Variants in FANCC observed in about 807,000 individuals in gnomAD.
FANCC encodes FA complementation group C.
In FANCC, 55 loss-of-function variants were observed where a neutral mutation model predicts 71.3. The observed-to-expected ratio is 0.77, with a 90% CI of 0.62 to 0.97. The LOEUF is 0.97. Among genes scored for constraint, FANCC ranks in the 50% least tolerant of loss-of-function variants. The pLI, the probability that FANCC is intolerant of heterozygous loss-of-function variation, is 0.00. For synonymous variants in FANCC, 275 were observed against 244.9 expected, an observed-to-expected ratio of 1.12 and a Z score of -1.15; for missense variants, 678 against 670.9, an observed-to-expected ratio of 1.01 and a Z score of -0.12.
chr9:95,168,763 G>A (rs1274058139), intron 6 of FANCC, among the ~76,000 whole-genome samples: 3 of 152,132 alleles, frequency 2.0e-5, no homozygotes, highest in Admixed American at 6.5e-5. Flanking sequence ...TCCTGAAATC[G>A]GGTGATCTAC....
intron 3 of FANCC, among the ~76,000 whole-genome samples, chr9:95,243,932 G>C (rs982175956): frequency 1.3e-5 from 2 of 152,238 alleles, no homozygotes; most frequent in African/African-American, 2.4e-5. Flanking sequence ...AGCCACCTCT[G>C]TGAGCTCACA....
intron 10 of FANCC, among the ~76,000 whole-genome samples, chr9:95,118,823 G>A (rs1295172539): frequency 6.6e-6 from 1 of 152,226 alleles, no homozygotes; most frequent in Non-Finnish European, 1.5e-5. Flanking sequence ...TCCTCTTGAT[G>A]TGCATTTGGG....
chr9:95,107,372 G>A (rs921728318), intron 13 of FANCC, 103 bp from the exon 14 acceptor site: 6 of 1,274,894 alleles, frequency 4.7e-6, no homozygotes, highest in East Asian at 2.5e-5. Context: ...AAACGGGTAA[G>A]CACTGGCCCC....
intron 7 of FANCC, 184 bp from the exon 8 acceptor site, chr9:95,135,686 A>C: frequency 1.7e-6 from 1 of 605,650 alleles, no homozygotes; most frequent in Non-Finnish European, 2.9e-6. Context: ...AATAATGTGA[A>C]TATGCTTCCA....
rs891207390 is a variant in FANCC at position 95,146,252 on chromosome 9, C to G, written c.686+3671G>C. On this transcript the variant is annotated intron_variant, in intron 7 of 14. Coordinates refer to ENST00000289081, the MANE Select transcript of FANCC (RefSeq NM_000136.3). ...CTATAATCCCAACATTTTGGGAGGC[C>G]AAGACAGGCAGACTCCTTGAGCCCA... 5.9e-5 allele frequency among the ~76,000 whole-genome samples: 9 copies of G among 151,738 alleles called. 1 individual carries two copies. The highest frequency in any genetic ancestry group is 5.9e-4 in the Admixed American group (9 of 15,234).
rs2135579278 is a variant in FANCC, at chr9:95,171,117, G to A, written c.483C>T (p.Leu161=). The A allele has an allele frequency of 6.2e-7, 1 of 1,613,374 alleles. No homozygotes were observed. The highest frequency in any genetic ancestry group is 1.1e-5 in the South Asian group (1 of 91,070). The change falls in exon 6 of 15, where the codon CTC becomes CTT. Residue 161 remains leucine, a synonymous_variant. Transcript: ENST00000289081. ...KNMVLSLASE[L]RENHLNGFNT... ...TAAATCCATTAAGATGATTCTCTCT[G>A]AGTTCAGACGCTAATGATAAAACCA...
At chr9:95,269,340 A>G (rs1028536810) in intron 1 of FANCC, among the ~76,000 whole-genome samples, 2 of 152,242 alleles carry the variant, frequency 1.3e-5, no homozygotes, top group African/African-American at 4.8e-5. Context: ...TATGAGGCAC[A>G]GTGCTGTGAT....
At chr9:95,187,577 T>TCCAA (rs1202743180) in intron 4 of FANCC, among the ~76,000 whole-genome samples, 1 of 152,134 alleles carries the variant, frequency 6.6e-6, no homozygotes, top group Non-Finnish European at 1.5e-5. Flanking sequence ...GCCCACTGAA[T>TCCAA]CCAAACCTCT....
intron 4 of FANCC, among the ~76,000 whole-genome samples, chr9:95,196,081 C>G (rs1827437456): frequency 6.6e-6 from 1 of 152,032 alleles, no homozygotes; most frequent in South Asian, 2.1e-4. Context: ...GGTTTTTCTT[C>G]CTTTACAATA....
At chr9:95,222,485 T>C (rs181342850) in intron 4 of FANCC, among the ~76,000 whole-genome samples, 2 of 151,958 alleles carry the variant, frequency 1.3e-5, no homozygotes, top group African/African-American at 4.8e-5. Flanking sequence ...GAGACCAGAG[T>C]TGGGAGAAGG....
chr9:95,305,591 A>C (rs1835030669), intron 1 of FANCC, among the ~76,000 whole-genome samples: 1 of 152,200 alleles, frequency 6.6e-6, no homozygotes, highest in Non-Finnish European at 1.5e-5. Context: ...TAATTGAACA[A>C]TGCAACTGAG....
In FANCC at chr9:95,221,066, C is replaced by T. The variant is rs1056345902; in HGVS notation, c.345+19583G>A. Among the ~76,000 whole-genome samples, 26 of 151,890 alleles carry T rather than the reference C, an allele frequency of 1.7e-4. No individual in the cohort carries two copies. The South Asian group carries it at 5.4e-3, about 32-fold the overall frequency. ...CCAACATGGTGAAATCCCGTTTCTA[C>T]TAAAAAATACAAAAAATTAGCCAGG... On this transcript the variant is annotated intron_variant, in intron 4 of 14. Coordinates refer to ENST00000289081, the MANE Select transcript of FANCC (RefSeq NM_000136.3).
chr9:95,128,607 C>T (rs1218709509), intron 8 of FANCC, among the ~76,000 whole-genome samples: 1 of 152,160 alleles, frequency 6.6e-6, no homozygotes, highest in African/African-American at 2.4e-5. Flanking sequence ...GAAGACAGCT[C>T]TTACTCAGTT....
chr9:95,265,004 A>G (rs1487289119), intron 1 of FANCC, among the ~76,000 whole-genome samples: 6 of 147,236 alleles, frequency 4.1e-5, no homozygotes, highest in Admixed American at 3.4e-4. Flanking sequence ...TTTGAAAGTC[A>G]CAATAAAAGA....
chr9:95,166,827 A>C (rs1302064256), intron 6 of FANCC, among the ~76,000 whole-genome samples: 1 of 152,136 alleles, frequency 6.6e-6, no homozygotes, highest in Non-Finnish European at 1.5e-5. Flanking sequence ...CTGGATACTG[A>C]GGGACAACTG....
At position 95,290,730 on chromosome 9, in the gene FANCC, C is replaced by T. The variant is rs564446685; in HGVS notation, c.-79+26796G>A. 1.6e-4 allele frequency among the ~76,000 whole-genome samples: 25 copies of T among 152,252 alleles called. No homozygotes were observed. The East Asian group carries it at 4.8e-3, about 29-fold the overall frequency. ...ACAGAGATTATAAAAAGACAAATTGCTTTCAAGGGAACACTGCTAAGAATA... is the reference window on the plus strand; with the variant it reads ...ACAGAGATTATAAAAAGACAAATTGTTTTCAAGGGAACACTGCTAAGAATA... On this transcript the variant is annotated intron_variant, in intron 1 of 14. Coordinates refer to ENST00000289081, the MANE Select transcript of FANCC (RefSeq NM_000136.3).
intron 4 of FANCC, among the ~76,000 whole-genome samples, chr9:95,234,078 T>G (rs928994909): frequency 6.6e-6 from 1 of 152,110 alleles, no homozygotes; most frequent in African/African-American, 2.4e-5. Flanking sequence ...CTTCAAAAGA[T>G]CCCTGCAAAG....
chr9:95,171,240 C>T, intron 5 of FANCC, 97 bp from the exon 6 acceptor site: 1 of 865,290 alleles, frequency 1.2e-6, no homozygotes, highest in Non-Finnish European at 1.9e-6. Flanking sequence ...GTTGAGATTC[C>T]CCCAACCCCC....
intron 6 of FANCC, among the ~76,000 whole-genome samples, chr9:95,161,188 G>A (rs1240216242): frequency 1.3e-5 from 2 of 152,072 alleles, no homozygotes; most frequent in African/African-American, 4.8e-5. Context: ...CAGCTGCCAA[G>A]GCCTTATACA....
Sources: gnomAD v4.1 joint callset for allele counts (sites outside exome capture counted in the v4.1 genomes callset) on GRCh38, gnomAD v4.1.1 for gene constraint, MANE v1.5 for transcripts, NCBI Gene and HGNC (gene_info 2026-07-23, HGNC 2026-07-21) for gene names.